Variants in BMERB1 observed in about 807,000 individuals in gnomAD.
BMERB1 encodes bMERB domain-containing protein 1.
Under a neutral mutation model 23.6 loss-of-function variants are expected in BMERB1, and 12 were observed. The observed-to-expected ratio is 0.51, with a 90% confidence interval of 0.33 to 0.82. The LOEUF is 0.82. Ranked by LOEUF, BMERB1 falls within the 40% of genes least tolerant of loss-of-function variation. The probability of loss-of-function intolerance (pLI) is 0.03; values close to 1 mark genes in which losing one functional copy is unlikely to be tolerated. For synonymous variants in BMERB1, 122 were observed against 96.6 expected, an observed-to-expected ratio of 1.26 and a Z score of -1.54; for missense variants, 247 against 255.4, an observed-to-expected ratio of 0.97 and a Z score of 0.22.
intron 1 of BMERB1, among the ~76,000 whole-genome samples, chr16:15,506,885 A>G (rs772051566): frequency 1.3e-4 from 20 of 152,166 alleles, no homozygotes; most frequent in Non-Finnish European, 2.8e-4. Context: ...CTGTGCAGCG[A>G]GTAGCAGGAT....
chr16:15,521,070 C>T (rs894422851), intron 2 of BMERB1, among the ~76,000 whole-genome samples: 17 of 152,102 alleles, frequency 1.1e-4, no homozygotes, highest in Non-Finnish European at 1.5e-5. Flanking sequence ...ACATTTCTTC[C>T]CTGCTATGTA....
chr16:15,554,106 C>A (rs1042982117), intron 2 of BMERB1, among the ~76,000 whole-genome samples: 2 of 152,168 alleles, frequency 1.3e-5, no homozygotes, highest in African/African-American at 4.8e-5. Flanking sequence ...CTTTTCCTGA[C>A]CCCTCCAAGT....
intron 2 of BMERB1, among the ~76,000 whole-genome samples, chr16:15,535,975 C>T (rs1039497468): frequency 6.6e-6 from 1 of 152,050 alleles, no homozygotes; most frequent in African/African-American, 2.4e-5. Context: ...ACGAGAACAG[C>T]ATGGAGGAAA....
At chr16:15,506,231 C>T (rs1327731218) in intron 1 of BMERB1, among the ~76,000 whole-genome samples, 3 of 151,670 alleles carry the variant, frequency 2.0e-5, no homozygotes, top group Non-Finnish European at 2.9e-5. Flanking sequence ...GCTGGAGTGC[C>T]GCGGTGCGAT....
intron 2 of BMERB1, among the ~76,000 whole-genome samples, chr16:15,534,683 T>C (rs1206056211): frequency 6.6e-6 from 1 of 152,226 alleles, no homozygotes; most frequent in Non-Finnish European, 1.5e-5. Context: ...CATAAGGCAG[T>C]GGGGTGGTTT....
chr16:15,471,981 ATTC>A (rs2051232882), intron 1 of BMERB1, among the ~76,000 whole-genome samples: 1 of 151,896 alleles, frequency 6.6e-6, no homozygotes. Context: ...ATTTGGTTCT[ATTC>A]TTTAAGTTTT....
chr16:15,509,852 TA>T (rs572808830), intron 1 of BMERB1, among the ~76,000 whole-genome samples: 225 of 152,206 alleles, frequency 1.5e-3, no homozygotes, highest in Non-Finnish European at 2.6e-3. Context: ...TATTTGGAAA[TA>T]AGGTCTTTGC....
chr16:15,568,204 G>A, intron 3 of BMERB1, 148 bp downstream of exon 3: 1 of 646,210 alleles, frequency 1.5e-6, no homozygotes, highest in South Asian at 1.9e-5. Context: ...CTTCGAGTCA[G>A]GAAGACCTGG....
At chr16:15,466,915 A>G (rs1406987435) in intron 1 of BMERB1, among the ~76,000 whole-genome samples, 2 of 152,184 alleles carry the variant, frequency 1.3e-5, no homozygotes, top group Non-Finnish European at 2.9e-5. Flanking sequence ...TAATTTTGTC[A>G]TTTCAAGAAT....
intron 1 of BMERB1, among the ~76,000 whole-genome samples, chr16:15,445,700 G>A (rs2050982871): frequency 6.6e-6 from 1 of 152,132 alleles, no homozygotes; most frequent in Non-Finnish European, 1.5e-5. Context: ...ATGTCACATG[G>A]GGGGAAATGG....
In BMERB1 at chr16:15,514,212, G is replaced by A. The variant is rs562947342; in HGVS notation, c.107-1093G>A. On this transcript the variant is annotated intron_variant, in intron 1 of 5. Transcript: ENST00000300006. ...TGAGCCCAGGGTTCGAGGCGGCAGT[G>A]AGCTATGATTGCACCACTGCACCCC... 1.0e-3 allele frequency among the ~76,000 whole-genome samples: 154 copies of A among 152,248 alleles called. 1 individual carries two copies. Among genetic ancestry groups the A allele is most frequent in the Non-Finnish European group, 3.8e-4 (26 of 68,026 alleles).
chr16:15,481,098 G>A (rs575446384), intron 1 of BMERB1, among the ~76,000 whole-genome samples: 3 of 152,196 alleles, frequency 2.0e-5, no homozygotes, highest in Admixed American at 6.5e-5. Context: ...GTAGCTATTT[G>A]GAAAAGAATG....
rs71376073 is a variant in BMERB1, at chr16:15,585,002, G to T, written c.503-1715G>T. Among the ~76,000 whole-genome samples the T allele has an allele frequency of 7.0e-3, 1,071 of 152,242 alleles. 10 individuals are homozygous for T. Among genetic ancestry groups the T allele is most frequent in the South Asian group, 0.022 (104 of 4,824 alleles). On this transcript the variant is annotated intron_variant, in intron 5 of 5. Transcript: ENST00000300006. ...GGGACATGAGCTGTTAGAGGAAGAG[G>T]GACTTGAAATCTTGCTGGGAAGACA...
At chr16:15,503,829 A>G (rs1158883682) in intron 1 of BMERB1, among the ~76,000 whole-genome samples, 4 of 152,172 alleles carry the variant, frequency 2.6e-5, no homozygotes, top group East Asian at 1.9e-4. Context: ...TCTTAAGCCA[A>G]TGACCCCTGC....
chr16:15,515,973 G>A (rs2150951975), intron 2 of BMERB1, among the ~76,000 whole-genome samples: 1 of 152,250 alleles, frequency 6.6e-6, no homozygotes, highest in East Asian at 1.9e-4. Flanking sequence ...TTAAAAAGTT[G>A]GGCTCTGAGT....
intron 2 of BMERB1, among the ~76,000 whole-genome samples, chr16:15,519,973 G>C (rs1273467661): frequency 6.6e-6 from 1 of 152,056 alleles, no homozygotes; most frequent in Admixed American, 6.6e-5. Flanking sequence ...TGTGACCTTG[G>C]ACACATGAGG....
intron 1 of BMERB1, among the ~76,000 whole-genome samples, chr16:15,471,768 G>T (rs1053885468): frequency 4.6e-5 from 7 of 151,998 alleles, no homozygotes; most frequent in African/African-American, 1.7e-4. Flanking sequence ...TGTAGAGATG[G>T]GGTCTTGCTA....
At chr16:15,545,472 C>T (rs1030894438) in intron 2 of BMERB1, among the ~76,000 whole-genome samples, 1 of 152,152 alleles carries the variant, frequency 6.6e-6, no homozygotes, top group Non-Finnish European at 1.5e-5. Flanking sequence ...TCTGACGCTT[C>T]TTTTGGTTAG....
intron 1 of BMERB1, among the ~76,000 whole-genome samples, chr16:15,482,013 G>A (rs1026985758): frequency 2.0e-5 from 3 of 152,092 alleles, no homozygotes; most frequent in African/African-American, 7.2e-5. Flanking sequence ...TTACAGGCAT[G>A]AGCCACCGCG....
Sources: allele counts gnomAD v4.1 joint callset (sites outside exome capture counted in the v4.1 genomes callset), GRCh38; gene constraint gnomAD v4.1.1; transcripts MANE v1.5; gene names NCBI Gene and HGNC (gene_info 2026-07-23, HGNC 2026-07-21).